RNF175: variants seen among roughly 807,000 people sequenced by gnomAD.
The protein encoded by RNF175 is ring finger protein 175.
A neutral mutation model predicts 50.0 loss-of-function variants in RNF175; 38 were observed. The ratio of observed to expected loss-of-function variants is 0.76; its 90% CI spans 0.59 to 1.00. RNF175 has a LOEUF of 1.00. RNF175 is among the 50% of genes least tolerant of loss of function. The probability of loss-of-function intolerance (pLI) is 0.00; values close to 1 mark genes in which losing one functional copy is unlikely to be tolerated. For synonymous variants in RNF175, 155 were observed against 146.1 expected (o/e 1.06, Z -0.44); for missense variants, 388 against 409.6 (o/e 0.95, Z 0.46).
intron 7 of RNF175, chr4:153,713,267 A>C (rs1297054449): frequency 2.0e-5 from 3 of 152,060 alleles, no homozygotes; most frequent in East Asian, 3.8e-4. Flanking sequence ...CCAGGGACTT[A>C]CTCTAGTGTA....
At chr4:153,710,653 G>A (rs1408018867) in intron 8 of RNF175, among the ~76,000 whole-genome samples, 164 bp from the exon 9 acceptor site, 1 of 152,140 alleles carries the variant, frequency 6.6e-6, no homozygotes, top group African/African-American at 2.4e-5. Context: ...ATAGCATTAT[G>A]GTTGTCATTG....
intron 3 of RNF175, among the ~76,000 whole-genome samples, chr4:153,741,269 C>T (rs950439697): frequency 6.6e-6 from 1 of 152,166 alleles, no homozygotes; most frequent in African/African-American, 2.4e-5. Context: ...TTTTCCCTTG[C>T]TGTGGTAGGT....
intron 3 of RNF175, among the ~76,000 whole-genome samples, chr4:153,739,440 A>AAAG (rs1362814185): frequency 6.6e-6 from 1 of 152,138 alleles, no homozygotes; most frequent in Non-Finnish European, 1.5e-5. Context: ...AGAAAGAAAG[A>AAAG]AAGAAAAAGT....
chr4:153,756,391 A>G (rs28538373), intron 1 of RNF175, among the ~76,000 whole-genome samples: 9,516 of 152,008 alleles, frequency 0.063, 770 homozygotes, highest in African/African-American at 0.19. Flanking sequence ...TTTCCCCCCA[A>G]GCTGCTCCCA....
At position 153,748,707 on chromosome 4, in the gene RNF175, C is replaced by G. The variant is rs144098723; in HGVS notation, c.184G>C (p.Val62Leu). 1.9e-6 allele frequency: 3 copies of G among 1,608,388 alleles called. No individual in the cohort carries two copies. In the South Asian group the frequency reaches 3.4e-5, roughly 18 times the overall value. ...AGCACTATCTGGGCAATGACCAGAA[C>G]GCAGAGGAAGATCAAGATCATTTCC... ...HVEMILIFLCVLVIAQIVLVQ... is the reference protein window; with the variant it reads ...HVEMILIFLCLLVIAQIVLVQ... The change falls in exon 3 of 9, where the codon GTT becomes CTT. Residue 62 changes from valine to leucine, a missense_variant. By Grantham distance (32) the Val-to-Leu change is conservative. Coordinates refer to ENST00000347063, the MANE Select transcript of RNF175 (RefSeq NM_173662.4).
chr4:153,741,066 G>A (rs1193683553), intron 3 of RNF175, among the ~76,000 whole-genome samples: 1 of 152,226 alleles, frequency 6.6e-6, no homozygotes, highest in African/African-American at 2.4e-5. Flanking sequence ...TGTTGATGTG[G>A]TGGCAGGGCG....
chr4:153,747,280 T>C (rs918528257), intron 3 of RNF175, among the ~76,000 whole-genome samples: 2 of 152,248 alleles, frequency 1.3e-5, no homozygotes, highest in African/African-American at 4.8e-5. Flanking sequence ...AATTTTATAT[T>C]GTTTCTCTTT....
At chr4:153,728,420 C>T in intron 3 of RNF175, 59 bp from the exon 4 acceptor site, 1 of 1,435,604 alleles carries the variant, frequency 7.0e-7, no homozygotes, top group Non-Finnish European at 9.8e-7. Flanking sequence ...ATGGCATCTC[C>T]ACTATTAAAT....
At position 153,755,803 on chromosome 4, in the gene RNF175, G is replaced by A. The variant is rs193063247; in HGVS notation, c.66+3994C>T. On this transcript the variant is annotated intron_variant, in intron 1 of 8. Coordinates refer to ENST00000347063, the MANE Select transcript of RNF175 (RefSeq NM_173662.4). The stretch of plus-strand genomic sequence containing the variant: ...GAAATGCTCACCAAGTACCCAGCCC[G>A]ATGGATGAAAAAGACCCATATTTTT... Among the ~76,000 whole-genome samples the A allele has an allele frequency of 2.9e-3, 446 of 152,194 alleles. 4 individuals carry two copies. The highest frequency in any genetic ancestry group is 0.01 in the African/African-American group (423 of 41,524).
intron 3 of RNF175, among the ~76,000 whole-genome samples, chr4:153,735,821 A>G (rs562668422): frequency 6.6e-6 from 1 of 152,252 alleles, no homozygotes; most frequent in East Asian, 1.9e-4. Context: ...GTAACAATTG[A>G]CTTTTGTATA....
At position 153,723,434 on chromosome 4, in the gene RNF175, C is replaced by A; in HGVS notation, c.426G>T (p.Leu142Phe). The change falls in exon 5 of 9, where the codon TTG (leucine) becomes TTT (phenylalanine). Residue 142 changes from leucine to phenylalanine, a missense_variant. Transcript: ENST00000347063. ...TPRLVYKWFL[L>F]IYKLSYAFGV... ...CAAATGCATAGCTGAGTTTGTAGAT[C>A]AAAAGAAACCATTTGTAGACCAATC... is the stretch of plus-strand genomic sequence containing the variant. The A allele has an allele frequency of 6.3e-7, 1 of 1,598,338 alleles. No individual in the cohort carries two copies. Among genetic ancestry groups the A allele is most frequent in the Admixed American group, 1.7e-5 (1 of 59,758 alleles).
At chr4:153,754,345 C>T (rs1398660724) in intron 1 of RNF175, among the ~76,000 whole-genome samples, 1 of 152,076 alleles carries the variant, frequency 6.6e-6, no homozygotes, top group Non-Finnish European at 1.5e-5. Flanking sequence ...CATCCCAAAC[C>T]ATCTAAGTGG....
In RNF175 at chr4:153,710,244, C is replaced by T. The variant is rs1737470507; in HGVS notation, c.*125G>A. On this transcript the variant is annotated 3_prime_UTR_variant, in exon 9 of 9. Coordinates refer to ENST00000347063, the MANE Select transcript of RNF175 (RefSeq NM_173662.4). Reference sequence around the variant, plus strand: ...AAATTCTTTCCACATGGACAAATTGCTTGACAACAAAGTTTACTTAGTTTT... The same window carrying T: ...AAATTCTTTCCACATGGACAAATTGTTTGACAACAAAGTTTACTTAGTTTT... The T allele has an allele frequency of 1.4e-6, 1 of 701,236 alleles. No individual in the cohort carries two copies. Among genetic ancestry groups the T allele is most frequent in the Non-Finnish European group, 2.2e-6 (1 of 450,388 alleles). The allele number at this position is 701,236 out of a possible 1,614,324, so 43.4% of individuals were successfully genotyped here. A position where few individuals can be genotyped will look rare whatever the true frequency, so the allele number is the denominator to read the frequency against.
At chr4:153,724,789 C>T (rs933190979) in intron 4 of RNF175, among the ~76,000 whole-genome samples, 4 of 152,028 alleles carry the variant, frequency 2.6e-5, no homozygotes, top group Non-Finnish European at 5.9e-5. Flanking sequence ...TCATTTACAT[C>T]ACTTCTATGG....
intron 6 of RNF175, among the ~76,000 whole-genome samples, chr4:153,717,554 CAT>C (rs1491403898): frequency 3.3e-5 from 5 of 151,012 alleles, no homozygotes; most frequent in East Asian, 3.9e-4. Flanking sequence ...CACACACACA[CAT>C]ACATATCTGT....
chr4:153,737,886 T>C (rs1299882203), intron 3 of RNF175, among the ~76,000 whole-genome samples: 4 of 152,238 alleles, frequency 2.6e-5, no homozygotes, highest in African/African-American at 9.6e-5. Flanking sequence ...CATCAACTAC[T>C]AAAAGATGTA....
At chr4:153,741,076 G>A (rs539358610) in intron 3 of RNF175, among the ~76,000 whole-genome samples, 12 of 152,330 alleles carry the variant, frequency 7.9e-5, no homozygotes, top group African/African-American at 2.4e-4. Context: ...GTGGCAGGGC[G>A]TAAGGATAGT....
At chr4:153,718,169 TG>T (rs1738066086) in intron 6 of RNF175, among the ~76,000 whole-genome samples, 1 of 151,274 alleles carries the variant, frequency 6.6e-6, no homozygotes, top group Non-Finnish European at 1.5e-5. Flanking sequence ...ATTCACCCCA[TG>T]GTTTTGGATG....
chr4:153,729,493 G>T (rs1347288187), intron 3 of RNF175, among the ~76,000 whole-genome samples: 1 of 152,180 alleles, frequency 6.6e-6, no homozygotes. Flanking sequence ...AATAGAAAAG[G>T]GAGGCTTAGA....
Sources: allele counts gnomAD v4.1 joint callset (sites outside exome capture counted in the v4.1 genomes callset), GRCh38; gene constraint gnomAD v4.1.1; transcripts MANE v1.5; gene names NCBI Gene and HGNC (gene_info 2026-07-23, HGNC 2026-07-21).